The following KMT2C variants were observed in gnomAD, a reference collection of about 807,000 sequenced individuals.
The protein encoded by KMT2C is lysine methyltransferase 2C.
KMT2C carries 88 observed loss-of-function variants against 507.9 expected under a neutral mutation model. The observed-to-expected ratio is 0.17, with a 90% CI of 0.15 to 0.21. The LOEUF (loss-of-function observed/expected upper bound fraction) is 0.21, where lower values mean the gene tolerates loss of function less well. KMT2C is among the 10% of genes least tolerant of loss of function. The pLI is 1.00. For missense variants in KMT2C, 4,954 were observed against 5,957.8 expected, an observed-to-expected ratio of 0.83 and a Z score of 5.55; for synonymous variants, 2,049 against 2,080.8, an observed-to-expected ratio of 0.98 and a Z score of 0.42.
intron 53 of KMT2C, 52 bp from the exon 54 acceptor site, chr7:152,145,347 G>A (rs750176373): frequency 1.9e-6 from 3 of 1,581,446 alleles, no homozygotes; most frequent in South Asian, 2.3e-5. Context: ...GGAGACTACA[G>A]ACAATCTCAA....
At chr7:152,344,808 A>T (rs931366763) in intron 2 of KMT2C, among the ~76,000 whole-genome samples, 2 of 152,130 alleles carry the variant, frequency 1.3e-5, no homozygotes, top group African/African-American at 2.4e-5. Flanking sequence ...TAACACAGTG[A>T]AACACCGTCT....
chr7:152,432,102 G>A (rs1018322637), intron 1 of KMT2C, among the ~76,000 whole-genome samples: 3 of 152,072 alleles, frequency 2.0e-5, no homozygotes, highest in Admixed American at 2.0e-4. Flanking sequence ...AATAGCAATT[G>A]CCCTCTGAAA....
chr7:152,339,500 G>A (rs1027168361), intron 2 of KMT2C, among the ~76,000 whole-genome samples: 2 of 152,168 alleles, frequency 1.3e-5, no homozygotes, highest in Non-Finnish European at 2.9e-5. Context: ...TTAAAAAGAT[G>A]TTATAAGATT....
In KMT2C at chr7:152,222,018, G is replaced by C. The variant is rs2129146582; in HGVS notation, c.3482C>G (p.Thr1161Arg). The C allele has an allele frequency of 6.2e-7, 1 of 1,603,652 alleles. No individual in the cohort carries two copies. Among genetic ancestry groups the C allele is most frequent in the Non-Finnish European group, 8.5e-7 (1 of 1,175,856 alleles). The change falls in exon 22 of 59, where the codon ACA becomes AGA. Residue 1161 changes from threonine to arginine, a missense_variant. Physicochemically the swap from Thr to Arg is moderately conservative, Grantham distance 71. This residue lies in a region of KMT2C where 176 missense variants were observed against 262.0 expected (regional missense o/e 0.67). Coordinates refer to ENST00000262189, the MANE Select transcript of KMT2C (RefSeq NM_170606.3). The stretch of plus-strand genomic sequence containing the variant: ...AATTTTACCTAGCTCTTTTACTTTT[G>C]TGACAATTTGTGCTACAAGTGAAGA... ...CESSLVAQIV[T>R]KVKELDPPKT...
intron 18 of KMT2C, among the ~76,000 whole-genome samples, chr7:152,229,039 T>G (rs1040430251): frequency 2.6e-5 from 4 of 152,226 alleles, no homozygotes; most frequent in Non-Finnish European, 5.9e-5. Context: ...AATGTTGATT[T>G]GCTTACTATA....
At chr7:152,248,729 T>G (rs1442638643) in intron 13 of KMT2C, 109 bp from the exon 14 acceptor site, 1 of 640,308 alleles carries the variant, frequency 1.6e-6, no homozygotes, top group Non-Finnish European at 2.7e-6. Flanking sequence ...CAGAAGGTAT[T>G]CATCAAAGCA....
At chr7:152,273,056 G>A (rs1588781779) in intron 7 of KMT2C, among the ~76,000 whole-genome samples, 1 of 152,050 alleles carries the variant, frequency 6.6e-6, no homozygotes, top group Non-Finnish European at 1.5e-5. Context: ...AGAAAAAGGA[G>A]AGATCTCTAT....
At chr7:152,290,220 A>ATATATGTG (rs1554617001) in intron 6 of KMT2C, among the ~76,000 whole-genome samples, 2 of 86,280 alleles carry the variant, frequency 2.3e-5, no homozygotes, top group African/African-American at 9.5e-5. Flanking sequence ...TTATATATAT[A>ATATATGTG]TGTGTGTGTG....
At chr7:152,329,149 A>G (rs1025142411) in intron 3 of KMT2C, among the ~76,000 whole-genome samples, 2 of 152,186 alleles carry the variant, frequency 1.3e-5, no homozygotes, top group African/African-American at 2.4e-5. Flanking sequence ...AGTAGACAAG[A>G]TATCTGAGGA....
At chr7:152,380,334 G>A (rs1167019879) in intron 1 of KMT2C, among the ~76,000 whole-genome samples, 51 of 152,198 alleles carry the variant, frequency 3.4e-4, no homozygotes, top group Non-Finnish European at 6.2e-4. Context: ...TTGGGAGGCC[G>A]AGGCAGGCAG....
At chr7:152,240,516 T>C (rs4024434) in intron 14 of KMT2C, among the ~76,000 whole-genome samples, 8,164 of 93,072 alleles carry the variant, frequency 0.088, no homozygotes, top group Non-Finnish European at 0.095. Flanking sequence ...ATGCTTCCCA[T>C]ATTCTTATTT....
At chr7:152,245,764 T>C (rs1416715575) in intron 14 of KMT2C, among the ~76,000 whole-genome samples, 1 of 152,194 alleles carries the variant, frequency 6.6e-6, no homozygotes, top group Non-Finnish European at 1.5e-5. Context: ...TTGCCCACCA[T>C]GAAACAGAAC....
chr7:152,363,617 C>G (rs2097213876), intron 1 of KMT2C, among the ~76,000 whole-genome samples: 1 of 152,090 alleles, frequency 6.6e-6, no homozygotes, highest in African/African-American at 2.4e-5. Context: ...AGGCTTTCTG[C>G]TTGGCATTAA....
At chr7:152,283,166 C>T (rs562082347) in intron 6 of KMT2C, among the ~76,000 whole-genome samples, 607 of 151,680 alleles carry the variant, frequency 4.0e-3, no homozygotes, top group Middle Eastern at 6.8e-3. Flanking sequence ...ACATCCACCC[C>T]CATTTTTTTG....
At chr7:152,169,560 G>A (rs1159046586) in intron 40 of KMT2C, among the ~76,000 whole-genome samples, 2 of 152,230 alleles carry the variant, frequency 1.3e-5, no homozygotes, top group Middle Eastern at 3.4e-3. Context: ...CTAAGCGAGA[G>A]ATCTATATAA....
chr7:152,161,760 A>T (rs2092465653), intron 43 of KMT2C, among the ~76,000 whole-genome samples: 1 of 152,210 alleles, frequency 6.6e-6, no homozygotes, highest in South Asian at 2.1e-4. Context: ...TCTGCATTTT[A>T]AAGAGGTTAA....
chr7:152,272,793 A>C (rs2096001807), intron 7 of KMT2C, among the ~76,000 whole-genome samples: 1 of 152,230 alleles, frequency 6.6e-6, no homozygotes, highest in Non-Finnish European at 1.5e-5. Flanking sequence ...ATGATCATGT[A>C]GACTAACTGT....
chr7:152,164,519 G>A (rs2092640575), intron 42 of KMT2C, among the ~76,000 whole-genome samples: 2 of 151,912 alleles, frequency 1.3e-5, no homozygotes, highest in East Asian at 1.9e-4. Flanking sequence ...TCGATCTCCT[G>A]ACCTCGTGAT....
intron 16 of KMT2C, among the ~76,000 whole-genome samples, chr7:152,233,510 A>C (rs912541139): frequency 2.0e-5 from 3 of 152,176 alleles, no homozygotes; most frequent in African/African-American, 7.2e-5. Context: ...AATAAAGATG[A>C]TAATAAAAAT....
Sources: allele counts gnomAD v4.1 joint callset (sites outside exome capture counted in the v4.1 genomes callset), GRCh38; gene constraint gnomAD v4.1.1; regional missense constraint gnomAD v4.1.1; transcripts MANE v1.5; gene names NCBI Gene and HGNC (gene_info 2026-07-23, HGNC 2026-07-21).